SFSWAP: variants seen among roughly 807,000 people sequenced by gnomAD.
SFSWAP encodes the protein splicing factor, suppressor of white-apricot homolog.
In SFSWAP, 17 loss-of-function variants were observed where a neutral mutation model predicts 100.7. The ratio of observed to expected loss-of-function variants is 0.17; its 90% confidence interval spans 0.12 to 0.25. The LOEUF is 0.25. Among genes scored for constraint, SFSWAP ranks in the 10% least tolerant of loss-of-function variants. The probability of loss-of-function intolerance (pLI) is 1.00; values close to 1 mark genes in which losing one functional copy is unlikely to be tolerated. For synonymous variants in SFSWAP, 504 were observed against 510.1 expected (o/e 0.99, Z 0.16); for missense variants, 1,005 against 1,262.6 (o/e 0.80, Z 3.09).
At chr12:131,790,089 C>T (rs1040252187) in intron 15 of SFSWAP, among the ~76,000 whole-genome samples, 3 of 152,206 alleles carry the variant, frequency 2.0e-5, no homozygotes, top group Admixed American at 6.5e-5. Flanking sequence ...TCTCTTCTTC[C>T]TTCTGTGTTT....
At chr12:131,756,173 A>C (rs1177995852) in intron 10 of SFSWAP, among the ~76,000 whole-genome samples, 1 of 152,244 alleles carries the variant, frequency 6.6e-6, no homozygotes, top group Non-Finnish European at 1.5e-5. Flanking sequence ...GGTATTTTTA[A>C]AGAATTCTGA....
intron 11 of SFSWAP, chr12:131,757,054 T>A (rs1027905066): frequency 1.9e-4 from 31 of 163,108 alleles, no homozygotes; most frequent in Admixed American, 3.5e-4. Context: ...CGATTTCAGT[T>A]ACTTTGTTAT....
intron 14 of SFSWAP, chr12:131,785,282 T>G: frequency 3.4e-5 from 45 of 1,337,808 alleles, no homozygotes; most frequent in Non-Finnish European, 4.4e-5. Context: ...AGGAAAGGTC[T>G]GGGAAAAAAT....
chr12:131,793,284 A>C (rs1286898353), intron 15 of SFSWAP, among the ~76,000 whole-genome samples: 1 of 151,786 alleles, frequency 6.6e-6, no homozygotes, highest in African/African-American at 2.4e-5. Flanking sequence ...GGGTCTCGCT[A>C]TGTTGCCCAG....
chr12:131,782,681 A>G (rs1040165223), intron 14 of SFSWAP, among the ~76,000 whole-genome samples: 7 of 152,208 alleles, frequency 4.6e-5, no homozygotes, highest in African/African-American at 1.7e-4. Context: ...AAGATTAGAA[A>G]GCCTTCTTAC....
At chr12:131,737,670 C>T (rs1380518999) in intron 7 of SFSWAP, among the ~76,000 whole-genome samples, 5 of 152,036 alleles carry the variant, frequency 3.3e-5, no homozygotes, top group Non-Finnish European at 4.4e-5. Context: ...GGCTTTCATA[C>T]GCTGGGTATT....
Position 131,778,002 on chromosome 12 carries a change from T to C in SFSWAP, c.2143-63T>C. ...TGAGGGGCCCAAAGTTGAAATTTTA[T>C]AGATATACATCTTCAATGTTCTGTT... On this transcript the variant is annotated intron_variant, in intron 13 of 17. Coordinates refer to ENST00000261674, the MANE Select transcript of SFSWAP (RefSeq NM_004592.4). This position sits in a 1 kb window ranked among gnomAD's most constrained non-coding sequence, Gnocchi z 4.2. The C allele has an allele frequency of 6.4e-7, 1 of 1,554,004 alleles. No homozygotes were observed. The highest frequency in any genetic ancestry group is 8.6e-7 in the Non-Finnish European group (1 of 1,157,092).
rs907315326 is a variant in SFSWAP at position 131,730,814 on chromosome 12, G to A, written c.1081+2386G>A. ...CCAACTGCAAGGGCTCTAGTAGGGG[G>A]TGCCCTCTCCTCCCCTCAATACGGT... On this transcript the variant is annotated intron_variant, in intron 7 of 17. Coordinates refer to ENST00000261674, the MANE Select transcript of SFSWAP (RefSeq NM_004592.4). The surrounding 1 kb of genome is among the most constrained non-coding windows in gnomAD (Gnocchi z 4.0). Among the ~76,000 whole-genome samples the A allele has an allele frequency of 6.6e-6, 1 of 152,178 alleles. No homozygotes were observed. The highest frequency in any genetic ancestry group is 1.5e-5 in the Non-Finnish European group (1 of 68,028).
At position 131,731,300 on chromosome 12, in the gene SFSWAP, C is replaced by T. The variant is rs182252421; in HGVS notation, c.1081+2872C>T. ...TCCAGAATCTGCAGAGGTTCCAGGG[C>T]GCCTGACTCACACGCACCTCCCTGC... On this transcript the variant is annotated intron_variant, in intron 7 of 17. Coordinates refer to ENST00000261674, the MANE Select transcript of SFSWAP (RefSeq NM_004592.4). 7.9e-5 allele frequency among the ~76,000 whole-genome samples: 12 copies of T among 152,340 alleles called. No homozygotes were observed. The East Asian group carries it at 9.6e-4, about 12-fold the overall frequency.
In SFSWAP at chr12:131,754,405, C is replaced by T; in HGVS notation, c.1360C>T (p.Pro454Ser). 6.3e-7 allele frequency: 1 copy of T among 1,598,790 alleles called. No homozygotes were observed. The highest frequency in any genetic ancestry group is 8.5e-7 in the Non-Finnish European group (1 of 1,174,602). Residue 454 changes from proline (P) to serine (S), a missense_variant, in exon 9 of 18, where the codon CCC becomes TCC. Transcript: ENST00000261674. ...APVAAIIPPP[P>S]DVQPVIDKLA... ...CGTGGCCGCCATCATCCCCCCGCCC[C>T]CCGACGTCCAGCCCGTGATTGACAA...
At chr12:131,723,172 T>C (rs1002917698) in intron 4 of SFSWAP, 1 of 152,212 alleles carries the variant, frequency 6.6e-6, no homozygotes, top group Non-Finnish European at 1.5e-5. Context: ...TACTGTATTG[T>C]CACAGAAGGT....
Position 131,711,271 on chromosome 12 carries a change from A to G in SFSWAP, c.42A>G (p.Lys14=). The G allele has an allele frequency of 6.2e-7, 1 of 1,611,786 alleles. No homozygotes were observed. The highest frequency in any genetic ancestry group is 1.3e-5 in the African/African-American group (1 of 75,024). ...GGGGCCGCGCCAAACCCGAGAGGAAAAGCGGCGCGAAGGAGGAGGCCGGGC... is the reference window on the plus strand; with the variant it reads ...GGGGCCGCGCCAAACCCGAGAGGAAGAGCGGCGCGAAGGAGGAGGCCGGGC... ...ASGGRAKPER[K]SGAKEEAGPG... The change falls in exon 1 of 18, where the codon AAA becomes AAG. Residue 14 remains lysine (K), a synonymous_variant. Coordinates refer to ENST00000261674, the MANE Select transcript of SFSWAP (RefSeq NM_004592.4). The surrounding 1 kb of genome is among the most constrained non-coding windows in gnomAD (Gnocchi z 4.9).
At chr12:131,789,108 G>A (rs911635744) in intron 15 of SFSWAP, among the ~76,000 whole-genome samples, 12 of 152,186 alleles carry the variant, frequency 7.9e-5, no homozygotes, top group African/African-American at 2.7e-4. Context: ...AGCCTCCTGT[G>A]TAGCTGAGAC....
rs1885517997 is a variant in SFSWAP at position 131,794,846 on chromosome 12, A to G, written c.2535-2332A>G. ...TAAAAAAAAATGAATGAGTTGCTCC[A>G]TTCCTTCAGCAAGGGCTTAGATCAG... On this transcript the variant is annotated intron_variant, in intron 15 of 17. Coordinates refer to ENST00000261674, the MANE Select transcript of SFSWAP (RefSeq NM_004592.4). This position sits in a 1 kb window ranked among gnomAD's most constrained non-coding sequence, Gnocchi z 4.8. Among the ~76,000 whole-genome samples, 1 of 152,224 alleles carries G rather than the reference A, an allele frequency of 6.6e-6. No individual in the cohort carries two copies. The highest frequency in any genetic ancestry group is 1.5e-5 in the Non-Finnish European group (1 of 68,050).
chr12:131,726,034 A>G (rs1458200349), intron 5 of SFSWAP, among the ~76,000 whole-genome samples: 1 of 151,968 alleles, frequency 6.6e-6, no homozygotes, highest in Non-Finnish European at 1.5e-5. Context: ...CAAAAGTGAA[A>G]ATTTTACTTG....
intron 3 of SFSWAP, among the ~76,000 whole-genome samples, chr12:131,716,179 G>A (rs1266566385): frequency 6.6e-6 from 1 of 152,184 alleles, no homozygotes; most frequent in African/African-American, 2.4e-5. Context: ...CTTTCCTTTT[G>A]CCCTGTCTTT....
Position 131,733,285 on chromosome 12 carries a change from A to G in SFSWAP, c.1081+4857A>G, listed in dbSNP as rs1879684000. On this transcript the variant is annotated intron_variant, in intron 7 of 17. Coordinates refer to ENST00000261674, the MANE Select transcript of SFSWAP (RefSeq NM_004592.4). This position sits in a 1 kb window ranked among gnomAD's most constrained non-coding sequence, Gnocchi z 5.1. ...GAACTTTCGTATGTGTGTCTCTGCC[A>G]TCTCCTCCTCCTCCCATTCCTGACC... Among the ~76,000 whole-genome samples, 1 of 152,094 alleles carries G rather than the reference A, an allele frequency of 6.6e-6. No homozygotes were observed. The highest frequency in any genetic ancestry group is 2.1e-4 in the South Asian group (1 of 4,824).
At chr12:131,759,018 C>T (rs988924143) in intron 11 of SFSWAP, among the ~76,000 whole-genome samples, 7 of 152,126 alleles carry the variant, frequency 4.6e-5, no homozygotes, top group Admixed American at 1.3e-4. Flanking sequence ...GCCCAGGAGA[C>T]GGAGGTTGCA....
At chr12:131,754,553 G>T in intron 9 of SFSWAP, 54 bp downstream of exon 9, 1 of 1,255,610 alleles carries the variant, frequency 8.0e-7, no homozygotes, top group Non-Finnish European at 1.0e-6. Flanking sequence ...GTTTCGTTTA[G>T]CCTTTTTTTA....
Sources: allele counts gnomAD v4.1 joint callset (sites outside exome capture counted in the v4.1 genomes callset), GRCh38; gene constraint gnomAD v4.1.1; non-coding constraint Gnocchi (gnomAD v3.1); transcripts MANE v1.5; gene names NCBI Gene and HGNC (gene_info 2026-07-23, HGNC 2026-07-21).